Variants in EBF4 observed in about 807,000 individuals in gnomAD.
The protein encoded by EBF4 is transcription factor COE4.
In EBF4, 34 loss-of-function variants were observed where a neutral mutation model predicts 67.1. The observed-to-expected ratio is 0.51, with a 90% CI of 0.39 to 0.67. The LOEUF (loss-of-function observed/expected upper bound fraction) is 0.67. Ranked by LOEUF, EBF4 falls within the 30% of genes least tolerant of loss-of-function variation. The probability of loss-of-function intolerance (pLI) is 0.00; values close to 1 mark genes in which losing one functional copy is unlikely to be tolerated. For synonymous variants in EBF4, 387 were observed against 377.7 expected (o/e 1.02, Z -0.29); for missense variants, 837 against 873.3 (o/e 0.96, Z 0.52).
chr20:2,750,638 C>T (rs916480328), intron 10 of EBF4, among the ~76,000 whole-genome samples: 1 of 152,192 alleles, frequency 6.6e-6, no homozygotes, highest in East Asian at 1.9e-4. Context: ...CACCGATGCT[C>T]ATCGAGCCCT....
intron 6 of EBF4, among the ~76,000 whole-genome samples, chr20:2,737,073 C>T (rs543082976): frequency 5.3e-5 from 8 of 151,854 alleles, no homozygotes; most frequent in South Asian, 2.1e-4. Flanking sequence ...CACGGTGAAA[C>T]CCCGTCTCTA....
chr20:2,752,559 G>T lies in EBF4; in HGVS notation c.1540+14G>T. ...CGCCCTTCGCCAGTGAGTGTCCCCCGCCCGCGAGGGAAGGTCTGGGGCCGG... is the reference window on the plus strand; with the variant it reads ...CGCCCTTCGCCAGTGAGTGTCCCCCTCCCGCGAGGGAAGGTCTGGGGCCGG... On this transcript the variant is annotated intron_variant, in intron 14 of 16. Coordinates refer to ENST00000609451, the Ensembl canonical transcript of EBF4. 8.1e-7 allele frequency: 1 copy of T among 1,235,320 alleles called. No homozygotes were observed. The highest frequency in any genetic ancestry group is 1.6e-5 in the African/African-American group (1 of 64,326). The allele number at this position is 1,235,320 out of a possible 1,614,324, so 76.5% of individuals were successfully genotyped here. A position where few individuals can be genotyped will look rare whatever the true frequency, so the allele number is the denominator to read the frequency against.
intron 6 of EBF4, among the ~76,000 whole-genome samples, chr20:2,723,921 G>T (rs1040248308): frequency 1.3e-5 from 2 of 152,030 alleles, no homozygotes; most frequent in African/African-American, 4.8e-5. Flanking sequence ...TTTGATGTGT[G>T]TGTGTTTCTT....
chr20:2,740,412 G>A (rs542260685), intron 6 of EBF4, among the ~76,000 whole-genome samples: 1 of 152,332 alleles, frequency 6.6e-6, no homozygotes, highest in South Asian at 2.1e-4. Context: ...CGTGGCTAAT[G>A]CATATCATTC....
At chr20:2,706,313 C>T in intron 4 of EBF4, 49 bp downstream of exon 4, 1 of 1,546,780 alleles carries the variant, frequency 6.5e-7, no homozygotes. Flanking sequence ...TCTTCCCGGA[C>T]CCTGCCTCCC....
chr20:2,750,983 G>T (rs919698791), intron 10 of EBF4, among the ~76,000 whole-genome samples: 3 of 152,228 alleles, frequency 2.0e-5, no homozygotes, highest in Non-Finnish European at 4.4e-5. Context: ...TGGTGGATTA[G>T]GTCGGGGCCA....
At chr20:2,714,989 A>T (rs1428594477) in intron 6 of EBF4, among the ~76,000 whole-genome samples, 2 of 152,226 alleles carry the variant, frequency 1.3e-5, no homozygotes, top group Non-Finnish European at 2.9e-5. Context: ...AAAGTAAAAC[A>T]AAATAAAAAT....
At chr20:2,738,427 G>A (rs977027126) in intron 6 of EBF4, among the ~76,000 whole-genome samples, 1 of 151,972 alleles carries the variant, frequency 6.6e-6, no homozygotes, top group African/African-American at 2.4e-5. Context: ...TCTGTTCGTG[G>A]ACTCTGATAG....
intron 6 of EBF4, among the ~76,000 whole-genome samples, chr20:2,748,032 A>T (rs1480053765): frequency 1.3e-5 from 2 of 152,086 alleles, no homozygotes; most frequent in Non-Finnish European, 2.9e-5. Flanking sequence ...GGTGTGGGTG[A>T]TGGGTATACT....
chr20:2,705,080 C>G (rs2087431668), intron 1 of EBF4, among the ~76,000 whole-genome samples: 1 of 152,222 alleles, frequency 6.6e-6, no homozygotes, highest in South Asian at 2.1e-4. Flanking sequence ...TTTGATGCCT[C>G]CAAGGGTCTG....
At chr20:2,749,912 G>T in exon 10 of EBF4, 1 of 1,551,520 alleles carries the variant, frequency 6.4e-7, no homozygotes, top group Non-Finnish European at 8.7e-7. Flanking sequence ...TGGTGGAGGT[G>T]ACCCTCTCCT....
chr20:2,700,859 C>T (rs2087364613), intron 1 of EBF4, among the ~76,000 whole-genome samples: 1 of 152,228 alleles, frequency 6.6e-6, no homozygotes, highest in Admixed American at 6.5e-5. Context: ...CCACACCTGC[C>T]TCTGTTGCTC....
intron 1 of EBF4, among the ~76,000 whole-genome samples, chr20:2,703,422 C>A (rs2087405469): frequency 6.6e-6 from 1 of 151,832 alleles, no homozygotes; most frequent in South Asian, 2.1e-4. Flanking sequence ...GATGACAGAG[C>A]AAAACCCTGT....
intron 6 of EBF4, among the ~76,000 whole-genome samples, chr20:2,737,522 C>T (rs2087905708): frequency 6.6e-6 from 1 of 152,054 alleles, no homozygotes; most frequent in African/African-American, 2.4e-5. Context: ...CAATGAGCCT[C>T]CTGTGATTCT....
intron 6 of EBF4, among the ~76,000 whole-genome samples, chr20:2,734,647 T>A (rs202067326): frequency 6.6e-6 from 1 of 152,344 alleles, no homozygotes; most frequent in East Asian, 1.9e-4. Context: ...TTTAGTGATT[T>A]TCTTGGACTA....
intron 1 of EBF4, among the ~76,000 whole-genome samples, chr20:2,704,211 G>A (rs2087418481): frequency 6.6e-6 from 1 of 152,192 alleles, no homozygotes; most frequent in Middle Eastern, 3.4e-3. Flanking sequence ...GGGCTCACTG[G>A]GAACCATCTT....
At chr20:2,718,484 T>C (rs1160218087) in intron 6 of EBF4, among the ~76,000 whole-genome samples, 1 of 152,230 alleles carries the variant, frequency 6.6e-6, no homozygotes, top group Non-Finnish European at 1.5e-5. Flanking sequence ...TAGAAGGTTA[T>C]TCATTTCTTT....
rs61733881 is a variant in EBF4, at chr20:2,709,577, G to T, written c.492G>T (p.Arg164=). 7.2e-4 allele frequency: 1,115 copies of T among 1,553,394 alleles called. 8 individuals carry two copies. The African/African-American group carries it at 0.013, about 18-fold the overall frequency. ...TCCTTCCTCATCTTTCCTTCAGCCG[G>T]TGCTGTGACCGGAAGAGCTGTGGCA... Residue 164 remains arginine (R), a synonymous_variant, in exon 6 of 17, where the codon CGG becomes CGT. Coordinates refer to ENST00000609451, the Ensembl canonical transcript of EBF4.
At chr20:2,748,162 G>A (rs2088079202) in intron 6 of EBF4, among the ~76,000 whole-genome samples, 2 of 152,118 alleles carry the variant, frequency 1.3e-5, no homozygotes, top group East Asian at 1.9e-4. Context: ...CACATACGGA[G>A]CATATATTGT....
Sources: allele counts gnomAD v4.1 joint callset (sites outside exome capture counted in the v4.1 genomes callset), GRCh38; gene constraint gnomAD v4.1.1; transcripts MANE v1.5; gene names NCBI Gene and HGNC (gene_info 2026-07-23, HGNC 2026-07-21).